The following ERN1 variants were observed in gnomAD, a reference collection of about 807,000 sequenced individuals.
ERN1 encodes serine/threonine-protein kinase/endoribonuclease IRE1.
Under a neutral mutation model 113.1 loss-of-function variants are expected in ERN1, and 39 were observed. The ratio of observed to expected loss-of-function variants is 0.34; its 90% CI spans 0.27 to 0.45. ERN1 has a LOEUF of 0.45. Among genes scored for constraint, ERN1 ranks in the 20% least tolerant of loss-of-function variants. The pLI, the probability that ERN1 is intolerant of heterozygous loss-of-function variation, is 1.00. For missense variants in ERN1, 976 were observed against 1,274.8 expected (o/e 0.77, Z 3.57); for synonymous variants, 507 against 515.9 (o/e 0.98, Z 0.23).
At chr17:64,061,656 G>A (rs1344970730) in intron 10 of ERN1, among the ~76,000 whole-genome samples, 2 of 152,246 alleles carry the variant, frequency 1.3e-5, no homozygotes, top group Non-Finnish European at 2.9e-5. Flanking sequence ...AAGGAGCTCT[G>A]AGACATGCTT....
chr17:64,074,165 C>G (rs938240518), intron 5 of ERN1, among the ~76,000 whole-genome samples: 10 of 152,172 alleles, frequency 6.6e-5, no homozygotes, highest in African/African-American at 1.9e-4. Flanking sequence ...GTTTACATAA[C>G]TCAGTTATTA....
intron 1 of ERN1, among the ~76,000 whole-genome samples, chr17:64,119,364 C>T (rs1474685618): frequency 2.0e-4 from 23 of 115,510 alleles, no homozygotes; most frequent in African/African-American, 3.9e-4. Context: ...TATTAGGTTC[C>T]TTTTTTTCTA....
In ERN1 at chr17:64,039,360, G is replaced by A. The variant is rs1006978635; in HGVS notation, c.*4628C>T. 5 of 152,156 alleles carry A rather than the reference G, an allele frequency of 3.3e-5. No homozygotes were observed. The highest frequency in any genetic ancestry group is 6.5e-5 in the Admixed American group (1 of 15,284). 9.4% of individuals were successfully genotyped at this position (152,156 alleles called of 1,614,324 possible). A position where few individuals can be genotyped will look rare whatever the true frequency, so the allele number is the denominator to read the frequency against. On this transcript the variant is annotated 3_prime_UTR_variant, in exon 22 of 22. Coordinates refer to ENST00000433197, the MANE Select transcript of ERN1 (RefSeq NM_001433.5). ...GATTTTGGGTTCCACAAAGAAGACT[G>A]TATCACACAATTAACACGTACTAAT...
At chr17:64,072,171 G>A in intron 5 of ERN1, 68 bp from the exon 6 acceptor site, 1 of 1,558,494 alleles carries the variant, frequency 6.4e-7, no homozygotes, top group Non-Finnish European at 8.8e-7. Flanking sequence ...CAAACTAGCA[G>A]CCAAGATGCT....
chr17:64,085,063 T>G (rs1475511692), intron 2 of ERN1, among the ~76,000 whole-genome samples: 1 of 152,216 alleles, frequency 6.6e-6, no homozygotes, highest in African/African-American at 2.4e-5. Flanking sequence ...CACGGAGGGT[T>G]GGGATTTATT....
rs537857731 is a variant in ERN1 at position 64,077,587 on chromosome 17, G to A, written c.282+2075C>T. Among the ~76,000 whole-genome samples the A allele has an allele frequency of 3.9e-4, 59 of 152,264 alleles. 1 individual carries two copies. The highest frequency in any genetic ancestry group is 3.4e-3 in the Middle Eastern group (1 of 294). On this transcript the variant is annotated intron_variant, in intron 4 of 21. Transcript: ENST00000433197. ...ATCACGCTTGTGAGTCATCCGCGGCGTGTGTCGTCATAGACTGTTGGTCCT... is the reference window on the plus strand; with the variant it reads ...ATCACGCTTGTGAGTCATCCGCGGCATGTGTCGTCATAGACTGTTGGTCCT...
At chr17:64,087,814 T>C (rs1913978686) in intron 2 of ERN1, among the ~76,000 whole-genome samples, 1 of 152,192 alleles carries the variant, frequency 6.6e-6, no homozygotes, top group African/African-American at 2.4e-5. Flanking sequence ...GAGCCTGCTC[T>C]TCCAGTTGCA....
intron 6 of ERN1, among the ~76,000 whole-genome samples, chr17:64,069,494 C>T (rs1913341223): frequency 6.6e-6 from 1 of 152,108 alleles, no homozygotes; most frequent in African/African-American, 2.4e-5. Context: ...GAACCAAGAG[C>T]CACTGAGAGC....
intron 16 of ERN1, 38 bp downstream of exon 16, chr17:64,053,234 C>A: frequency 1.3e-6 from 2 of 1,527,622 alleles, no homozygotes; most frequent in Non-Finnish European, 1.8e-6. Flanking sequence ...TGATTCTCCC[C>A]ACCCGGGCCG....
chr17:64,116,553 GTT>G (rs1303152925), intron 1 of ERN1, among the ~76,000 whole-genome samples: 12 of 151,950 alleles, frequency 7.9e-5, no homozygotes, highest in African/African-American at 2.9e-4. Context: ...CCCCAAATTT[GTT>G]CTTAGAACTT....
Position 64,040,720 on chromosome 17 carries a change from G to A in ERN1, c.*3268C>T, listed in dbSNP as rs1247225938. 1.3e-5 allele frequency: 2 copies of A among 152,170 alleles called. No individual in the cohort carries two copies. Among genetic ancestry groups the A allele is most frequent in the Non-Finnish European group, 2.9e-5 (2 of 68,054 alleles). 9.4% of individuals were successfully genotyped at this position (152,170 alleles called of 1,614,324 possible). On this transcript the variant is annotated 3_prime_UTR_variant, in exon 22 of 22. Transcript: ENST00000433197. ...TGACCACCACTGCACTGAGAACACG[G>A]CGGGAGTGAGAACACCTGCGCACCC...
At chr17:64,114,005 A>G (rs1914740793) in intron 1 of ERN1, among the ~76,000 whole-genome samples, 1 of 151,796 alleles carries the variant, frequency 6.6e-6, no homozygotes, top group East Asian at 1.9e-4. Flanking sequence ...TCTATGCCAC[A>G]AAGTCCTCTG....
chr17:64,119,926 C>A (rs1371059813), intron 1 of ERN1, among the ~76,000 whole-genome samples: 1 of 151,848 alleles, frequency 6.6e-6, no homozygotes, highest in African/African-American at 2.4e-5. Flanking sequence ...ACATTTTTTG[C>A]TGGTTTATTT....
intron 17 of ERN1, among the ~76,000 whole-genome samples, chr17:64,051,118 T>A (rs1912669333): frequency 6.8e-6 from 1 of 146,574 alleles, no homozygotes; most frequent in Admixed American, 6.8e-5. Flanking sequence ...AAATGGATTA[T>A]AACATTAGTT....
rs1192394679 is a variant in ERN1 at position 64,039,809 on chromosome 17, A to G, written c.*4179T>C. The stretch of plus-strand genomic sequence containing the variant: ...TGTATCCACCAAACACACACACAGT[A>G]CACAGGGGAGGTGGGGGGGCTTTGG... On this transcript the variant is annotated 3_prime_UTR_variant, in exon 22 of 22. Coordinates refer to ENST00000433197, the MANE Select transcript of ERN1 (RefSeq NM_001433.5). The G allele has an allele frequency of 6.6e-6, 1 of 152,236 alleles. No individual in the cohort carries two copies. Among genetic ancestry groups the G allele is most frequent in the Non-Finnish European group, 1.5e-5 (1 of 68,070 alleles). The allele number at this position is 152,236 out of a possible 1,614,324, so 9.4% of individuals were successfully genotyped here.
rs2143523844 is a variant in ERN1 at position 64,129,983 on chromosome 17, C to T, written c.47G>A (p.Gly16Asp). 2 of 1,450,232 alleles carry T rather than the reference C, an allele frequency of 1.4e-6. No homozygotes were observed. Among genetic ancestry groups the T allele is most frequent in the East Asian group, 3.0e-5 (1 of 33,186 alleles). 89.8% of individuals were successfully genotyped at this position (1,450,232 alleles called of 1,614,324 possible). ...CGCTCCCCGGTCACTCACCCCGAGG[C>T]CGGGCAGCAGCAGCGTCAGCAGCAG... is the stretch of plus-strand genomic sequence containing the variant. ...LLLLLTLLLP[G>D]LGIFGSTSTV... The change falls in exon 1 of 22, where the codon GGC becomes GAC. Residue 16 changes from glycine to aspartate, a missense_variant. Coordinates refer to ENST00000433197, the MANE Select transcript of ERN1 (RefSeq NM_001433.5).
intron 2 of ERN1, among the ~76,000 whole-genome samples, chr17:64,089,696 G>A (rs1458135510): frequency 6.6e-6 from 1 of 152,134 alleles, no homozygotes; most frequent in Non-Finnish European, 1.5e-5. Context: ...GACCCGAGCC[G>A]GGGTGGAGGG....
chr17:64,080,810 T>C lies in ERN1; in HGVS notation c.176-2A>G. 1 of 1,609,954 alleles carries C rather than the reference T, an allele frequency of 6.2e-7. No individual in the cohort carries two copies. Among genetic ancestry groups the C allele is most frequent in the Non-Finnish European group, 8.5e-7 (1 of 1,177,996 alleles). On this transcript the variant is annotated splice_acceptor_variant, in intron 2 of 21. Transcript: ENST00000433197. LOFTEE classifies it high-confidence loss of function. ...GTGTTGGGACCTGCAGGACTGGATCTGTGCAAAAGAACAACAAAGCCATCA... is the reference window on the plus strand; with the variant it reads ...GTGTTGGGACCTGCAGGACTGGATCCGTGCAAAAGAACAACAAAGCCATCA...
intron 2 of ERN1, among the ~76,000 whole-genome samples, chr17:64,087,232 C>T (rs895130760): frequency 4.6e-5 from 7 of 152,186 alleles, no homozygotes; most frequent in African/African-American, 1.7e-4. Context: ...TTCTTACCTT[C>T]CTCCACTCAC....
Sources: gnomAD v4.1 joint callset for allele counts (sites outside exome capture counted in the v4.1 genomes callset) on GRCh38, gnomAD v4.1.1 for gene constraint, MANE v1.5 for transcripts, NCBI Gene and HGNC (gene_info 2026-07-23, HGNC 2026-07-21) for gene names.